The following STAT3 variants were observed in gnomAD, a reference collection of about 807,000 sequenced individuals.
STAT3 encodes DNA-binding protein APRF.
STAT3 carries 7 observed loss-of-function variants against 114.3 expected under a neutral mutation model. The observed-to-expected ratio is 0.06, with a 90% confidence interval of 0.03 to 0.11. The LOEUF (loss-of-function observed/expected upper bound fraction) is 0.11, where lower values mean the gene tolerates loss of function less well. Ranked by LOEUF, STAT3 falls within the 10% of genes least tolerant of loss-of-function variation. STAT3 has a pLI of 1.00. For missense variants in STAT3, 364 were observed against 960.9 expected (o/e 0.38, Z 8.21); for synonymous variants, 331 against 354.5 (o/e 0.93, Z 0.74).
chr17:42,350,422 C>G (rs2082890357), intron 1 of STAT3, among the ~76,000 whole-genome samples: 1 of 152,196 alleles, frequency 6.6e-6, no homozygotes, highest in Non-Finnish European at 1.5e-5. Flanking sequence ...GCTGGGAGTA[C>G]AGGCAGCATT....
Position 42,342,862 on chromosome 17 carries a change from T to C in STAT3, c.372+2697A>G, listed in dbSNP as rs189965873. The stretch of plus-strand genomic sequence containing the variant: ...CGACCCAATCAGATGCTGAACTTTC[T>C]ACACTTCTCCCAAGAATACACATTT... On this transcript the variant is annotated intron_variant, in intron 4 of 23. Transcript: ENST00000264657. 2.7e-4 allele frequency among the ~76,000 whole-genome samples: 41 copies of C among 152,238 alleles called. No homozygotes were observed. The East Asian group carries it at 7.7e-3, about 29-fold the overall frequency.
rs552693912 is a variant in STAT3, at chr17:42,379,870, A to G, written c.-24+8409T>C. 1.1e-3 allele frequency among the ~76,000 whole-genome samples: 171 copies of G among 152,288 alleles called. 1 individual carries two copies. The highest frequency in any genetic ancestry group is 4.0e-3 in the African/African-American group (168 of 41,554). On this transcript the variant is annotated intron_variant, in intron 1 of 23. Transcript: ENST00000264657. ...GCCTCAATTTCCTCTAACAGAATGT[A>G]AGTCCCCCATCCCTATTCATTTAGT...
In STAT3 at chr17:42,366,528, G is replaced by A. The variant is rs1021177799; in HGVS notation, c.-23-17989C>T. Among the ~76,000 whole-genome samples, 4 of 151,928 alleles carry A rather than the reference G, an allele frequency of 2.6e-5. No individual in the cohort carries two copies. In the East Asian group the frequency reaches 5.8e-4, roughly 22 times the overall value. On this transcript the variant is annotated intron_variant, in intron 1 of 23. Coordinates refer to ENST00000264657, the MANE Select transcript of STAT3 (RefSeq NM_139276.3). ...TCTACGAAATATACAAAAATTAGCCGGATATAGTGGCGCAAGCCTGTGATC... is the reference window on the plus strand; with the variant it reads ...TCTACGAAATATACAAAAATTAGCCAGATATAGTGGCGCAAGCCTGTGATC...
At position 42,344,700 on chromosome 17, in the gene STAT3, C is replaced by G. The variant is rs2082614478; in HGVS notation, c.372+859G>C. The stretch of plus-strand genomic sequence containing the variant: ...CACCACTGCACTCCAGCCTGGACGA[C>G]AGAGAGAGACTCTGTCTCAAAAAAA... On this transcript the variant is annotated intron_variant, in intron 4 of 23. Coordinates refer to ENST00000264657, the MANE Select transcript of STAT3 (RefSeq NM_139276.3). Among the ~76,000 whole-genome samples the G allele has an allele frequency of 3.4e-5, 5 of 145,684 alleles. No individual in the cohort carries two copies. In the South Asian group the frequency reaches 1.1e-3, roughly 32 times the overall value.
chr17:42,354,165 T>A (rs1288380490), intron 1 of STAT3, among the ~76,000 whole-genome samples: 1 of 150,182 alleles, frequency 6.7e-6, no homozygotes, highest in Non-Finnish European at 1.5e-5. Flanking sequence ...AGTACAATAA[T>A]TGTGTTCTTT....
chr17:42,330,122 C>CT (rs201637887), intron 11 of STAT3, among the ~76,000 whole-genome samples: 11,256 of 144,982 alleles, frequency 0.078, 1,388 homozygotes, highest in African/African-American at 0.26. Context: ...TTTCTTTTTT[C>CT]TTTTTTTTTT....
Position 42,313,421 on chromosome 17 carries a change from A to G in STAT3, c.*2324T>C, listed in dbSNP as rs2144589231. ...AAAAAAGACAAAAAACCTCACAATAATATAAATTTTTACACTATGAAGTAC... is the reference window on the plus strand; with the variant it reads ...AAAAAAGACAAAAAACCTCACAATAGTATAAATTTTTACACTATGAAGTAC... On this transcript the variant is annotated 3_prime_UTR_variant, in exon 24 of 24. Transcript: ENST00000264657. The G allele has an allele frequency of 4.6e-6, 1 of 219,460 alleles. No individual in the cohort carries two copies. The highest frequency in any genetic ancestry group is 6.7e-5 in the East Asian group (1 of 15,010). The allele number at this position is 219,460 out of a possible 1,614,324, so 13.6% of individuals were successfully genotyped here. A position where few individuals can be genotyped will look rare whatever the true frequency, so the allele number is the denominator to read the frequency against.
chr17:42,340,504 AC>A (rs1450693862), intron 4 of STAT3, among the ~76,000 whole-genome samples: 1 of 151,126 alleles, frequency 6.6e-6, no homozygotes, highest in Non-Finnish European at 1.5e-5. Flanking sequence ...CCTCATCTCA[AC>A]CAAAAAAAAA....
chr17:42,355,244 T>A (rs1042861247), intron 1 of STAT3, among the ~76,000 whole-genome samples: 6 of 152,212 alleles, frequency 3.9e-5, no homozygotes, highest in African/African-American at 1.4e-4. Context: ...TGTGGGTTTT[T>A]AAAAAAATTT....
At chr17:42,380,184 C>T (rs1209073360) in intron 1 of STAT3, among the ~76,000 whole-genome samples, 1 of 151,780 alleles carries the variant, frequency 6.6e-6, no homozygotes, top group African/African-American at 2.4e-5. Context: ...CTACAGGCAC[C>T]CGCCACCACA....
At chr17:42,343,455 CTTTTTTT>C (rs34846688) in intron 4 of STAT3, among the ~76,000 whole-genome samples, 1 of 99,172 alleles carries the variant, frequency 1.0e-5, no homozygotes, top group Non-Finnish European at 1.9e-5. Context: ...TCAGATCTTT[CTTTTTTT>C]TTTTTTTTTT....
intron 1 of STAT3, among the ~76,000 whole-genome samples, chr17:42,351,211 T>C (rs2082938433): frequency 6.6e-6 from 1 of 151,816 alleles, no homozygotes; most frequent in South Asian, 2.1e-4. Context: ...ATATCCAAAA[T>C]GTTATTGCAA....
Position 42,315,714 on chromosome 17 carries a change from G to A in STAT3, c.*31C>T, listed in dbSNP as rs374107124. ...CAGAATGCAGGTAGGCGCCTCAGTCGTATCTTTCTGCAGCTTCCGTTCTCA... is the reference window on the plus strand; with the variant it reads ...CAGAATGCAGGTAGGCGCCTCAGTCATATCTTTCTGCAGCTTCCGTTCTCA... On this transcript the variant is annotated 3_prime_UTR_variant, in exon 24 of 24. Coordinates refer to ENST00000264657, the MANE Select transcript of STAT3 (RefSeq NM_139276.3). 4.4e-5 allele frequency: 70 copies of A among 1,606,622 alleles called. No homozygotes were observed. The East Asian group carries it at 8.7e-4, about 20-fold the overall frequency.
intron 1 of STAT3, among the ~76,000 whole-genome samples, chr17:42,377,983 ATTTT>A (rs11378560): frequency 7.8e-6 from 1 of 127,712 alleles, no homozygotes; most frequent in African/African-American, 3.0e-5. Flanking sequence ...CAGAAACAGG[ATTTT>A]TTTTTTTTTT....
At chr17:42,383,355 C>A (rs1175677348) in intron 1 of STAT3, among the ~76,000 whole-genome samples, 2 of 147,504 alleles carry the variant, frequency 1.4e-5, no homozygotes, top group Non-Finnish European at 3.0e-5. Context: ...CCATGCCCAG[C>A]CTGTTTTTGC....
chr17:42,351,201 A>G (rs2082938130), intron 1 of STAT3, among the ~76,000 whole-genome samples: 1 of 152,016 alleles, frequency 6.6e-6, no homozygotes, highest in Non-Finnish European at 1.5e-5. Context: ...TTCATTTAAT[A>G]TATCCAAAAT....
chr17:42,339,217 C>G lies in STAT3; in HGVS notation c.468+97G>C, dbSNP rs1301422586. ...GCTGCAGTGAGCTGTGATCATGCCA[C>G]TGCAGCCCAGCCTGAGTGGCAGAGC... is the stretch of plus-strand genomic sequence containing the variant. On this transcript the variant is annotated intron_variant, in intron 5 of 23. Transcript: ENST00000264657. The G allele has an allele frequency of 3.2e-6, 4 of 1,236,716 alleles. No individual in the cohort carries two copies. In the African/African-American group the frequency reaches 6.1e-5, roughly 19 times the overall value. 76.6% of individuals were successfully genotyped at this position (1,236,716 alleles called of 1,614,324 possible).
chr17:42,376,150 CAA>C (rs35901220), intron 1 of STAT3, among the ~76,000 whole-genome samples: 2 of 148,036 alleles, frequency 1.4e-5, no homozygotes, highest in Admixed American at 6.8e-5. Context: ...GACTCCGTCT[CAA>C]AAAAAAAAAG....
Position 42,337,754 on chromosome 17 carries a change from T to C in STAT3, c.645+9A>G, listed in dbSNP as rs1258659796. ...CACATGGGGGAAGTGGTCCGACCTA[T>C]GCCCTTACTCTCCGCATCTGGTCCA... On this transcript the variant is annotated intron_variant, in intron 7 of 23. Coordinates refer to ENST00000264657, the MANE Select transcript of STAT3 (RefSeq NM_139276.3). The surrounding 1 kb of genome is among the most constrained non-coding windows in gnomAD (Gnocchi z 4.0). The C allele has an allele frequency of 7.4e-6, 12 of 1,614,094 alleles. No homozygotes were observed. The East Asian group carries it at 1.8e-4, about 24-fold the overall frequency.
Sources: allele counts gnomAD v4.1 joint callset (sites outside exome capture counted in the v4.1 genomes callset), GRCh38; gene constraint gnomAD v4.1.1; non-coding constraint Gnocchi (gnomAD v3.1); transcripts MANE v1.5; gene names NCBI Gene and HGNC (gene_info 2026-07-23, HGNC 2026-07-21).